The following RPS6KC1 variants were observed in gnomAD, a reference collection of about 807,000 sequenced individuals.
The protein encoded by RPS6KC1 is inactive ribosomal protein S6 kinase delta-1.
A neutral mutation model predicts 103.8 loss-of-function variants in RPS6KC1; 54 were observed. That is an observed-to-expected ratio of 0.52 (90% CI 0.42 to 0.65). The LOEUF (loss-of-function observed/expected upper bound fraction) is 0.65, where lower values mean the gene tolerates loss of function less well. Ranked by LOEUF, RPS6KC1 falls within the 30% of genes least tolerant of loss-of-function variation. The probability of loss-of-function intolerance (pLI) is 0.00; values close to 1 mark genes in which losing one functional copy is unlikely to be tolerated. For missense variants in RPS6KC1, 1,151 were observed against 1,253.8 expected (o/e 0.92, Z 1.24); for synonymous variants, 439 against 438.7 (o/e 1.00, Z -0.01).
At chr1:213,401,817 C>G in the RPS6KC1 span, among the ~76,000 whole-genome samples, 2 of 152,014 alleles carry the variant, frequency 1.3e-5, no homozygotes, top group Non-Finnish European at 2.9e-5. Flanking sequence ...GACAGGGTCT[C>G]ACTCTGCCAC....
At chr1:213,329,188 T>C in the RPS6KC1 span, among the ~76,000 whole-genome samples, 1 of 152,324 alleles carries the variant, frequency 6.6e-6, no homozygotes, top group Middle Eastern at 3.4e-3. Flanking sequence ...TTTTTCTCAG[T>C]CTTACCTTTG....
intron 5 of RPS6KC1, among the ~76,000 whole-genome samples, chr1:213,126,488 A>T (rs924466987): frequency 2.0e-5 from 3 of 152,148 alleles, no homozygotes; most frequent in Non-Finnish European, 4.4e-5. Flanking sequence ...CAGCATCTAA[A>T]GCTGATTAGA....
the RPS6KC1 span, among the ~76,000 whole-genome samples, chr1:213,782,290 C>T: frequency 6.6e-6 from 1 of 152,150 alleles, no homozygotes; most frequent in African/African-American, 2.4e-5. Context: ...AATTTGTTCA[C>T]ATTCCCATGA....
the RPS6KC1 span, among the ~76,000 whole-genome samples, chr1:213,473,710 G>A: frequency 4.4e-3 from 663 of 152,300 alleles, 3 homozygotes; most frequent in African/African-American, 0.015. Context: ...GGAAGTCCAC[G>A]TTAGGTTTGT....
intron 4 of RPS6KC1, among the ~76,000 whole-genome samples, chr1:213,108,314 T>G (rs2082685266): frequency 6.6e-6 from 1 of 152,188 alleles, no homozygotes; most frequent in South Asian, 2.1e-4. Context: ...TGTGTGTATA[T>G]CTAATATTCT....
chr1:213,391,049 T>G, the RPS6KC1 span, among the ~76,000 whole-genome samples: 7 of 152,256 alleles, frequency 4.6e-5, no homozygotes, highest in Middle Eastern at 3.4e-3. Flanking sequence ...ACCTCAAGCT[T>G]ATACTCACCT....
chr1:213,533,391 A>G, the RPS6KC1 span, among the ~76,000 whole-genome samples: 2,270 of 152,308 alleles, frequency 0.015, 27 homozygotes, highest in South Asian at 0.032. Context: ...AAGGTCTTTC[A>G]TGTGGGTTGC....
chr1:213,390,099 G>A, the RPS6KC1 span, among the ~76,000 whole-genome samples: 1 of 152,126 alleles, frequency 6.6e-6, no homozygotes, highest in Admixed American at 6.5e-5. Flanking sequence ...TTTGCTGCTT[G>A]AGATGACATT....
chr1:213,789,524 C>T, the RPS6KC1 span, among the ~76,000 whole-genome samples: 2 of 152,288 alleles, frequency 1.3e-5, no homozygotes, highest in Admixed American at 6.5e-5. Context: ...CACGTAGCTA[C>T]GTCACCATGT....
intron 4 of RPS6KC1, among the ~76,000 whole-genome samples, chr1:213,107,734 CA>C (rs1572568989): frequency 6.6e-6 from 1 of 152,164 alleles, no homozygotes; most frequent in East Asian, 1.9e-4. Flanking sequence ...AACTGTTTTC[CA>C]AACGGAAAAT....
At chr1:213,599,763 G>C in the RPS6KC1 span, among the ~76,000 whole-genome samples, 3 of 152,314 alleles carry the variant, frequency 2.0e-5, no homozygotes, top group African/African-American at 7.2e-5. Flanking sequence ...GAAGAAAGTG[G>C]CTGTGACTTA....
At chr1:213,651,724 C>T in the RPS6KC1 span, among the ~76,000 whole-genome samples, 2 of 152,180 alleles carry the variant, frequency 1.3e-5, no homozygotes, top group Non-Finnish European at 2.9e-5. Flanking sequence ...GTTTTCTGTT[C>T]CTTTCTATTG....
intron 6 of RPS6KC1, among the ~76,000 whole-genome samples, chr1:213,153,938 G>A (rs568078827): frequency 2.6e-5 from 4 of 152,288 alleles, no homozygotes; most frequent in Non-Finnish European, 5.9e-5. Flanking sequence ...GGACTTGTGT[G>A]TTGTGATCTA....
At chr1:213,080,261 C>G (rs1489738256) in intron 3 of RPS6KC1, among the ~76,000 whole-genome samples, 1 of 152,118 alleles carries the variant, frequency 6.6e-6, no homozygotes, top group African/African-American at 2.4e-5. Context: ...TATTGACTCA[C>G]TACTCTGGTG....
chr1:213,183,252 A>G (rs1292272010), intron 8 of RPS6KC1, among the ~76,000 whole-genome samples: 1 of 152,148 alleles, frequency 6.6e-6, no homozygotes, highest in East Asian at 1.9e-4. Flanking sequence ...AACTGATAAA[A>G]CGGTTAGACA....
At chr1:213,085,831 A>G (rs945118023) in intron 3 of RPS6KC1, among the ~76,000 whole-genome samples, 2 of 151,944 alleles carry the variant, frequency 1.3e-5, no homozygotes, top group African/African-American at 4.8e-5. Context: ...ACATTTAATT[A>G]TTTTGATTCA....
At chr1:213,604,493 C>A in the RPS6KC1 span, among the ~76,000 whole-genome samples, 34 of 152,260 alleles carry the variant, frequency 2.2e-4, no homozygotes, top group Non-Finnish European at 4.0e-4. Flanking sequence ...TGTAACTGGG[C>A]TCCTGACTTG....
At chr1:213,737,155 G>T in the RPS6KC1 span, among the ~76,000 whole-genome samples, 2 of 152,200 alleles carry the variant, frequency 1.3e-5, no homozygotes, top group African/African-American at 4.8e-5. Flanking sequence ...GCCAAGTTCT[G>T]TAAAAAACTT....
At chr1:213,548,616 G>A in the RPS6KC1 span, among the ~76,000 whole-genome samples, 13 of 152,244 alleles carry the variant, frequency 8.5e-5, no homozygotes, top group South Asian at 2.5e-3. Flanking sequence ...AGCCTAGATC[G>A]TGCCACTGCA....
Sources: allele counts gnomAD v4.1 joint callset (sites outside exome capture counted in the v4.1 genomes callset), GRCh38; gene constraint gnomAD v4.1.1; transcripts MANE v1.5; gene names NCBI Gene and HGNC (gene_info 2026-07-23, HGNC 2026-07-21).